FNDC3A: variants seen among roughly 807,000 people sequenced by gnomAD.
FNDC3A encodes fibronectin type-III domain-containing protein 3A.
FNDC3A carries 32 observed loss-of-function variants against 148.9 expected under a neutral mutation model. The observed-to-expected ratio is 0.21, with a 90% confidence interval of 0.16 to 0.29. The LOEUF is 0.29. Ranked by LOEUF, FNDC3A falls within the 10% of genes least tolerant of loss-of-function variation. FNDC3A has a pLI of 1.00. For synonymous variants in FNDC3A, 472 were observed against 473.6 expected (o/e 1.00, Z 0.04); for missense variants, 1,191 against 1,452.8 (o/e 0.82, Z 2.93).
chr13:49,174,672 C>T, intron 12 of FNDC3A, 113 bp downstream of exon 12: 2 of 949,020 alleles, frequency 2.1e-6, no homozygotes, highest in Middle Eastern at 3.4e-4. Context: ...TAGTTTATCT[C>T]TTTGTTGATA....
chr13:49,167,438 G>T (rs111758904), intron 9 of FNDC3A, 135 bp downstream of exon 9: 16 of 572,956 alleles, frequency 2.8e-5, no homozygotes, highest in Non-Finnish European at 4.7e-5. Context: ...TGGGCTGGGC[G>T]CAGTGCGCCC....
Position 49,198,256 on chromosome 13 carries a change from C to T in FNDC3A, c.2765C>T (p.Thr922Ile), listed in dbSNP as rs776038800. Residue 922 changes from threonine to isoleucine, a missense_variant, in exon 22 of 26, where the codon ACA becomes ATA. By Grantham distance (89) the Thr-to-Ile change is moderately conservative (BLOSUM62 -1). Coordinates refer to ENST00000492622, the MANE Select transcript of FNDC3A (RefSeq NM_001079673.2). ...ATTATCAACAATTTGCAACCAGATA[C>T]AACATACAGGTATACTCTAAAAATT... ...SYIINNLQPD[T>I]TYRIRIQALN... 1 of 1,613,734 alleles carries T rather than the reference C, an allele frequency of 6.2e-7. No homozygotes were observed. Among genetic ancestry groups the T allele is most frequent in the East Asian group, 2.2e-5 (1 of 44,878 alleles).
chr13:49,171,725 A>T (rs780445661), intron 10 of FNDC3A, among the ~76,000 whole-genome samples: 2 of 152,126 alleles, frequency 1.3e-5, no homozygotes, highest in Non-Finnish European at 2.9e-5. Context: ...CAATCCTACA[A>T]CCTTAAAGCT....
intron 2 of FNDC3A, 74 bp downstream of exon 2, chr13:49,006,363 A>G (rs1047568179): frequency 1.3e-5 from 9 of 692,410 alleles, no homozygotes; most frequent in East Asian, 1.1e-4. Context: ...ACAGATCACA[A>G]TAGTGAGTTC....
At chr13:49,100,430 T>G (rs1337381224) in intron 3 of FNDC3A, among the ~76,000 whole-genome samples, 1 of 152,088 alleles carries the variant, frequency 6.6e-6, no homozygotes, top group Non-Finnish European at 1.5e-5. Context: ...TAAATCCCTA[T>G]CCCTCTTACG....
At position 49,024,804 on chromosome 13, in the gene FNDC3A, T is replaced by C. The variant is rs75179182; in HGVS notation, c.99+18515T>C. Among the ~76,000 whole-genome samples the C allele has an allele frequency of 3.8e-3, 583 of 151,976 alleles. 3 individuals are homozygous for C. Among genetic ancestry groups the C allele is most frequent in the African/African-American group, 0.013 (553 of 41,518 alleles). On this transcript the variant is annotated intron_variant, in intron 2 of 25. Transcript: ENST00000492622. ...TGCTGAATGGGGAAAAGCCGAAAGC[T>C]TTTTCTCTAGGAACTGAAAAATAAT... is the stretch of plus-strand genomic sequence containing the variant.
At chr13:49,160,491 T>A (rs1884029028) in intron 8 of FNDC3A, among the ~76,000 whole-genome samples, 1 of 152,232 alleles carries the variant, frequency 6.6e-6, no homozygotes, top group Non-Finnish European at 1.5e-5. Flanking sequence ...TTATTGCATC[T>A]ATTTGATTCT....
intron 1 of FNDC3A, among the ~76,000 whole-genome samples, chr13:48,986,474 C>T (rs1566174698): frequency 7.5e-6 from 1 of 133,622 alleles, no homozygotes; most frequent in East Asian, 2.4e-4. Context: ...CGGCTCACTG[C>T]AACCTCCGCC....
At chr13:49,083,104 C>T (rs1341749105) in intron 3 of FNDC3A, among the ~76,000 whole-genome samples, 2 of 152,150 alleles carry the variant, frequency 1.3e-5, no homozygotes, top group Non-Finnish European at 2.9e-5. Flanking sequence ...TGTGATTATA[C>T]CCCTTCCCCT....
At chr13:49,136,234 A>C in intron 5 of FNDC3A, 98 bp from the exon 6 acceptor site, 1 of 1,038,632 alleles carries the variant, frequency 9.6e-7, no homozygotes. Context: ...ATTTTATAAA[A>C]GTTTTATATG....
At chr13:49,195,744 T>G (rs1427848471) in intron 19 of FNDC3A, among the ~76,000 whole-genome samples, 2 of 152,174 alleles carry the variant, frequency 1.3e-5, no homozygotes, top group African/African-American at 4.8e-5. Flanking sequence ...CATAGAATTT[T>G]CTGAGAAGTT....
chr13:49,062,488 G>GT (rs1178140834), intron 2 of FNDC3A, among the ~76,000 whole-genome samples: 1 of 152,106 alleles, frequency 6.6e-6, no homozygotes, highest in African/African-American at 2.4e-5. Context: ...TCTCAAACTA[G>GT]TTTAAATGTT....
chr13:49,137,820 T>C (rs1011934774), intron 6 of FNDC3A, among the ~76,000 whole-genome samples: 3 of 152,226 alleles, frequency 2.0e-5, no homozygotes, highest in Non-Finnish European at 1.5e-5. Flanking sequence ...TATATGTATG[T>C]TCTTTTAGGT....
Position 49,172,047 on chromosome 13 carries a change from C to G in FNDC3A, c.1181C>G (p.Pro394Arg), listed in dbSNP as rs773652278. ...GTTTTTTGGTGTTGGTTTTAGGCAC[C>G]TAGTGACAATGGTTCTAAAATCCAA... ...KNSLTLQWKA[P>R]SDNGSKIQNF... Residue 394 changes from proline to arginine, a missense_variant, in exon 11 of 26, where the codon CCT becomes CGT. Transcript: ENST00000492622. 47 of 1,602,854 alleles carry G rather than the reference C, an allele frequency of 2.9e-5. No individual in the cohort carries two copies. The highest frequency in any genetic ancestry group is 4.0e-5 in the Non-Finnish European group (47 of 1,174,158).
In FNDC3A at chr13:49,138,783, T is replaced by C; in HGVS notation, c.797T>C (p.Leu266Pro). The change falls in exon 7 of 26, where the codon CTT becomes CCT. Residue 266 changes from leucine (L) to proline (P), a missense_variant. By Grantham distance (98) the Leu-to-Pro change is moderately conservative. Around this residue, in one of 3 missense-constraint regions of FNDC3A, gnomAD observed 426 missense variants for 473.2 expected, o/e 0.90. Coordinates refer to ENST00000492622, the MANE Select transcript of FNDC3A (RefSeq NM_001079673.2). ...DEETKAFEAL[L>P]SNIVKPVASD... is the part of the protein sequence containing the mutation. ...GAAACTAAAGCATTTGAAGCACTTCTTTCCAACATTGTCAAACCAGTGGTA... is the reference window on the plus strand; with the variant it reads ...GAAACTAAAGCATTTGAAGCACTTCCTTCCAACATTGTCAAACCAGTGGTA... 6.6e-7 allele frequency: 1 copy of C among 1,510,074 alleles called. No individual in the cohort carries two copies. Among genetic ancestry groups the C allele is most frequent in the Non-Finnish European group, 9.1e-7 (1 of 1,101,122 alleles). The allele number at this position is 1,510,074 out of a possible 1,614,324, so 93.5% of individuals were successfully genotyped here. A position where few individuals can be genotyped will look rare whatever the true frequency, so the allele number is the denominator to read the frequency against.
In FNDC3A at chr13:49,136,614, A is replaced by C. The variant is rs776045310; in HGVS notation, c.760+13A>C. 2 of 1,607,818 alleles carry C rather than the reference A, an allele frequency of 1.2e-6. No homozygotes were observed. Among genetic ancestry groups the C allele is most frequent in the Non-Finnish European group, 1.7e-6 (2 of 1,175,004 alleles). ...ACAGAAATTGAAGGTAACTGTTTGA[A>C]GTACTGAACTGTTCTCATTGATGCT... On this transcript the variant is annotated intron_variant, in intron 6 of 25. Coordinates refer to ENST00000492622, the MANE Select transcript of FNDC3A (RefSeq NM_001079673.2).
chr13:49,090,211 AG>A (rs1879094889), intron 3 of FNDC3A, among the ~76,000 whole-genome samples: 1 of 152,136 alleles, frequency 6.6e-6, no homozygotes, highest in South Asian at 2.1e-4. Flanking sequence ...TCACGAAGTC[AG>A]GGGTTCGAGA....
chr13:49,110,250 G>A, intron 3 of FNDC3A: 1 of 1,135,242 alleles, frequency 8.8e-7, no homozygotes. Flanking sequence ...CAGGTCACGT[G>A]ATGACTGTCA....
At chr13:49,043,481 G>C (rs1436065069) in intron 2 of FNDC3A, among the ~76,000 whole-genome samples, 1 of 152,002 alleles carries the variant, frequency 6.6e-6, no homozygotes, top group East Asian at 1.9e-4. Flanking sequence ...AGACCATTTA[G>C]GTCAAACTAA....
Sources: allele counts gnomAD v4.1 joint callset (sites outside exome capture counted in the v4.1 genomes callset), GRCh38; gene constraint gnomAD v4.1.1; regional missense constraint gnomAD v4.1.1; transcripts MANE v1.5; gene names NCBI Gene and HGNC (gene_info 2026-07-23, HGNC 2026-07-21).